The following CEP290 variants were observed in gnomAD, a reference collection of about 807,000 sequenced individuals.
CEP290 encodes the protein centrosomal protein of 290 kDa.
CEP290 carries 317 observed loss-of-function variants against 344.9 expected under a neutral mutation model. The observed-to-expected ratio is 0.92, with a 90% CI of 0.84 to 1.01. The LOEUF (loss-of-function observed/expected upper bound fraction) is 1.01, where lower values mean the gene tolerates loss of function less well. Ranked by LOEUF, CEP290 falls within the 50% of genes least tolerant of loss-of-function variation. The pLI, the probability that CEP290 is intolerant of heterozygous loss-of-function variation, is 0.00. For synonymous variants in CEP290, 932 were observed against 895.8 expected, an observed-to-expected ratio of 1.04 and a Z score of -0.72; for missense variants, 2,754 against 2,761.4, an observed-to-expected ratio of 1.00 and a Z score of 0.06.
intron 3 of CEP290, 56 bp from the exon 4 acceptor site, chr12:88,139,620 G>A: frequency 7.8e-7 from 1 of 1,277,460 alleles, no homozygotes; most frequent in Non-Finnish European, 1.0e-6. Context: ...TGTAAGCACT[G>A]AAAATAAAAA....
Position 88,083,048 on chromosome 12 carries a change from A to G in CEP290, c.4995T>C (p.Phe1665=). The G allele has an allele frequency of 6.7e-7, 1 of 1,503,408 alleles. No homozygotes were observed. The highest frequency in any genetic ancestry group is 2.5e-5 in the East Asian group (1 of 39,946). The allele number at this position is 1,503,408 out of a possible 1,614,324, so 93.1% of individuals were successfully genotyped here. ...REITELKVKE[F]ENIKLQLQEN... ...AGACTTACTGTAATTTGATATTTTC[A>G]AATTCTTTTACTTTTAATTCAGTGA... Residue 1665 remains phenylalanine (F), a synonymous_variant, in exon 37 of 54, where the codon TTT becomes TTC. Transcript: ENST00000552810.
chr12:88,141,014 T>C lies in CEP290; in HGVS notation c.122A>G (p.Lys41Arg). The change falls in exon 3 of 54, where the codon AAA (lysine) becomes AGA (arginine). Residue 41 changes from lysine (K) to arginine (R), a missense_variant. Coordinates refer to ENST00000552810, the MANE Select transcript of CEP290 (RefSeq NM_025114.4). ...SLSKVEVNEL[K>R]SEKQENVIHL... Reference sequence around the variant, plus strand: ...TATCACATTTTCTTGCTTTTCACTTTTTAGCTCATTTACTTCCACCTAAGT... The same window carrying C: ...TATCACATTTTCTTGCTTTTCACTTCTTAGCTCATTTACTTCCACCTAAGT... 2 of 1,586,506 alleles carry C rather than the reference T, an allele frequency of 1.3e-6. No homozygotes were observed. Among genetic ancestry groups the C allele is most frequent in the East Asian group, 4.6e-5 (2 of 43,788 alleles).
At chr12:88,088,456 TTTAA>T (rs2137259986) in intron 31 of CEP290, among the ~76,000 whole-genome samples, 1 of 152,262 alleles carries the variant, frequency 6.6e-6, no homozygotes, top group Non-Finnish European at 1.5e-5. Context: ...ATAATTAGTG[TTTAA>T]TTAATATAAA....
chr12:88,140,940 C>G lies in CEP290; in HGVS notation c.180+16G>C. The G allele has an allele frequency of 6.5e-7, 1 of 1,544,782 alleles. No individual in the cohort carries two copies. The highest frequency in any genetic ancestry group is 8.8e-7 in the Non-Finnish European group (1 of 1,142,440). On this transcript the variant is annotated intron_variant, in intron 3 of 53. Coordinates refer to ENST00000552810, the MANE Select transcript of CEP290 (RefSeq NM_025114.4). ...CTAATAGCCAAACCTATAGTTAAAA[C>G]CTACTACATACAAACCTTCATTAGT... is the stretch of plus-strand genomic sequence containing the variant.
intron 44 of CEP290, among the ~76,000 whole-genome samples, 164 bp downstream of exon 44, chr12:88,068,358 A>G (rs2035098333): frequency 6.6e-6 from 1 of 152,076 alleles, no homozygotes; most frequent in South Asian, 2.1e-4. Flanking sequence ...GGATTAAATA[A>G]ATTATTACAC....
intron 26 of CEP290, among the ~76,000 whole-genome samples, chr12:88,099,586 T>A (rs983785471): frequency 5.9e-5 from 9 of 152,024 alleles, no homozygotes; most frequent in Non-Finnish European, 1.2e-4. Context: ...AATAAGCCAA[T>A]ATATAATACA....
chr12:88,083,527 T>A (rs572038277), intron 36 of CEP290, among the ~76,000 whole-genome samples: 1 of 152,156 alleles, frequency 6.6e-6, no homozygotes, highest in Non-Finnish European at 1.5e-5. Context: ...TGTCATTTCA[T>A]ACATATGGAA....
intron 43 of CEP290, among the ~76,000 whole-genome samples, chr12:88,069,790 T>C (rs1477618107): frequency 3.3e-5 from 5 of 152,136 alleles, no homozygotes; most frequent in Non-Finnish European, 5.9e-5. Flanking sequence ...TGAAGATAAA[T>C]AGAAAATGTG....
intron 50 of CEP290, 79 bp from the exon 51 acceptor site, chr12:88,054,492 A>C: frequency 1.8e-6 from 2 of 1,094,974 alleles, no homozygotes; most frequent in South Asian, 1.4e-5. Context: ...ATTTTTAACA[A>C]AGCGTAATAT....
rs1272411609 is a variant in CEP290 at position 88,118,485 on chromosome 12, G to C, written c.1709C>G (p.Ser570Ter). ...AQERGKRSATSGLTTEDLNLT... is the reference protein window; with the variant it reads ...AQERGKRSAT Reference sequence around the variant, plus strand: ...AGGTTTAGAATAACTGAGTATACCTGAAGTTGCACTTCTTTTTCCTCTTTC... The same window carrying C: ...AGGTTTAGAATAACTGAGTATACCTCAAGTTGCACTTCTTTTTCCTCTTTC... Residue 570 changes from serine to a stop codon, truncating the protein, a stop_gained and splice_region_variant, in exon 17 of 54, where the codon TCA (serine) becomes TGA (stop). Coordinates refer to ENST00000552810, the MANE Select transcript of CEP290 (RefSeq NM_025114.4). LOFTEE classifies it high-confidence loss of function. 6 of 1,553,896 alleles carry C rather than the reference G, an allele frequency of 3.9e-6. No homozygotes were observed. The highest frequency in any genetic ancestry group is 1.2e-5 in the South Asian group (1 of 84,310).
chr12:88,056,260 C>CA (rs1189962517), intron 49 of CEP290, among the ~76,000 whole-genome samples: 1 of 150,734 alleles, frequency 6.6e-6, no homozygotes, highest in East Asian at 1.9e-4. Context: ...ATTAATAGTT[C>CA]AAAAAAATAC....
At chr12:88,076,147 G>A (rs1360799863) in intron 41 of CEP290, among the ~76,000 whole-genome samples, 4 of 152,088 alleles carry the variant, frequency 2.6e-5, no homozygotes, top group African/African-American at 9.7e-5. Context: ...CCCAATTAGG[G>A]AGTTAGAAAG....
intron 6 of CEP290, among the ~76,000 whole-genome samples, chr12:88,134,884 A>G (rs2040270698): frequency 6.6e-6 from 1 of 152,142 alleles, no homozygotes; most frequent in South Asian, 2.1e-4. Flanking sequence ...TATATCTTCT[A>G]CCCAGAATGT....
At position 88,071,306 on chromosome 12, in the gene CEP290, A is replaced by G. The variant is rs1592782496; in HGVS notation, c.5999T>C (p.Ile2000Thr). 5 of 1,604,980 alleles carry G rather than the reference A, an allele frequency of 3.1e-6. No homozygotes were observed. In the East Asian group the frequency reaches 1.1e-4, roughly 36 times the overall value. ...CATAATAGCTTACCTCATATACAATATATCATTTTCTAAGTCAAGATTTCT... is the reference window on the plus strand; with the variant it reads ...CATAATAGCTTACCTCATATACAATGTATCATTTTCTAAGTCAAGATTTCT... ...KKRNLDLEND[I>T]LYMRAHQALP... The change falls in exon 43 of 54, where the codon ATA becomes ACA. Residue 2000 changes from isoleucine (I) to threonine (T), a missense_variant. Physicochemically the swap from Ile to Thr is moderately conservative, Grantham distance 89 (BLOSUM62 -1). Coordinates refer to ENST00000552810, the MANE Select transcript of CEP290 (RefSeq NM_025114.4).
At chr12:88,073,507 T>A (rs1332422655) in intron 41 of CEP290, among the ~76,000 whole-genome samples, 2 of 152,232 alleles carry the variant, frequency 1.3e-5, no homozygotes, top group Admixed American at 1.3e-4. Context: ...ATAATGACAT[T>A]TTTGAAATTA....
intron 39 of CEP290, among the ~76,000 whole-genome samples, chr12:88,078,611 A>G (rs1038416282): frequency 2.0e-5 from 3 of 152,102 alleles, no homozygotes; most frequent in African/African-American, 7.2e-5. Context: ...ATCATTATAC[A>G]TTTGTCTAAA....
At chr12:88,087,385 T>C (rs1316388391) in intron 32 of CEP290, among the ~76,000 whole-genome samples, 2 of 152,098 alleles carry the variant, frequency 1.3e-5, no homozygotes, top group African/African-American at 2.4e-5. Flanking sequence ...CAATTAGTAA[T>C]GGAAGGTGCA....
chr12:88,089,332 A>G lies in CEP290; in HGVS notation c.3729T>C (p.Asp1243=). ...AYNLRLEQKL[D]EKEQALYYAR... The stretch of plus-strand genomic sequence containing the variant: ...CATAATAGAGAGCCTGTTCTTTTTC[A>G]TCAAGTTTCTGCTCTAAGCGCAAGT... The change falls in exon 31 of 54, where the codon GAT becomes GAC. Residue 1243 remains aspartate (D), a synonymous_variant. Transcript: ENST00000552810. The G allele has an allele frequency of 6.2e-7, 1 of 1,613,924 alleles. No homozygotes were observed. Among genetic ancestry groups the G allele is most frequent in the Non-Finnish European group, 8.5e-7 (1 of 1,179,878 alleles).
At chr12:88,062,337 A>G (rs1419327700) in intron 46 of CEP290, among the ~76,000 whole-genome samples, 3 of 152,180 alleles carry the variant, frequency 2.0e-5, no homozygotes, top group Non-Finnish European at 4.4e-5. Context: ...ATTATAAAAC[A>G]TTATACCAAG....
Sources: gnomAD v4.1 joint callset for allele counts (sites outside exome capture counted in the v4.1 genomes callset) on GRCh38, gnomAD v4.1.1 for gene constraint, MANE v1.5 for transcripts, NCBI Gene and HGNC (gene_info 2026-07-23, HGNC 2026-07-21) for gene names.